Variants in ADAMTSL1 observed in about 807,000 individuals in gnomAD.
The protein encoded by ADAMTSL1 is ADAMTS like 1, also known as ADAMTS-like protein 1.
ADAMTSL1 carries 126 observed loss-of-function variants against 201.8 expected under a neutral mutation model. The observed-to-expected ratio is 0.62, with a 90% CI of 0.54 to 0.72. The LOEUF (loss-of-function observed/expected upper bound fraction) is 0.72, where lower values mean the gene tolerates loss of function less well. ADAMTSL1 is among the 30% of genes least tolerant of loss of function. The pLI is 0.00. For synonymous variants in ADAMTSL1, 1,121 were observed against 903.4 expected, an observed-to-expected ratio of 1.24 and a Z score of -4.32; for missense variants, 2,679 against 2,277.8, an observed-to-expected ratio of 1.18 and a Z score of -3.59.
chr9:18,647,204 G>C (rs1365146098), intron 7 of ADAMTSL1, among the ~76,000 whole-genome samples: 3 of 152,110 alleles, frequency 2.0e-5, no homozygotes, highest in African/African-American at 4.8e-5. Context: ...TCTGATGGTA[G>C]TTTGTATTTC....
In ADAMTSL1 at chr9:18,459,545, C is replaced by A. The variant is rs549572289; in HGVS notation, c.208-45284C>A. On this transcript the variant is annotated intron_variant, in intron 2 of 29. Transcript: ENST00000680146. ...CAGAAGTGAACAGGAGTCACCAAATCTCTGCACCCAGGGAACTTGCCTGCA... is the reference window on the plus strand; with the variant it reads ...CAGAAGTGAACAGGAGTCACCAAATATCTGCACCCAGGGAACTTGCCTGCA... Among the ~76,000 whole-genome samples the A allele has an allele frequency of 1.2e-4, 19 of 152,252 alleles. No individual in the cohort carries two copies. In the South Asian group the frequency reaches 3.9e-3, roughly 32 times the overall value.
intron 1 of ADAMTSL1, among the ~76,000 whole-genome samples, chr9:18,154,761 A>G (rs774570323): frequency 2.0e-5 from 3 of 152,228 alleles, no homozygotes; most frequent in Middle Eastern, 3.4e-3. Context: ...TGTGAAGTAC[A>G]TCAAGAATGA....
chr9:18,714,039 C>A (rs902767262), intron 14 of ADAMTSL1, among the ~76,000 whole-genome samples: 14 of 151,860 alleles, frequency 9.2e-5, no homozygotes, highest in Non-Finnish European at 7.4e-5. Flanking sequence ...TAAAGATGTT[C>A]TTTGAAACCA....
intron 26 of ADAMTSL1, among the ~76,000 whole-genome samples, chr9:18,894,512 C>A (rs1028823191): frequency 2.0e-5 from 3 of 151,768 alleles, no homozygotes; most frequent in African/African-American, 7.3e-5. Context: ...TCTTTATAAG[C>A]GTGATTCGCA....
At chr9:18,786,388 CAG>C (rs555490316) in intron 19 of ADAMTSL1, among the ~76,000 whole-genome samples, 1 of 152,202 alleles carries the variant, frequency 6.6e-6, no homozygotes, top group Non-Finnish European at 1.5e-5. Context: ...AGGCTGGAAT[CAG>C]AGCAACTTTG....
At chr9:17,953,340 A>C (rs1827804202) in intron 1 of ADAMTSL1, among the ~76,000 whole-genome samples, 1 of 152,176 alleles carries the variant, frequency 6.6e-6, no homozygotes, top group South Asian at 2.1e-4. Context: ...GAACGTTGGG[A>C]GATTTCACTG....
At chr9:18,774,326 A>C (rs1426291314) in intron 17 of ADAMTSL1, among the ~76,000 whole-genome samples, 2 of 152,078 alleles carry the variant, frequency 1.3e-5, no homozygotes, top group Non-Finnish European at 2.9e-5. Flanking sequence ...AAGGTCTCCA[A>C]ACTAACCCTC....
chr9:18,572,950 G>T (rs1040128682), intron 3 of ADAMTSL1, among the ~76,000 whole-genome samples: 3 of 152,112 alleles, frequency 2.0e-5, no homozygotes, highest in Non-Finnish European at 4.4e-5. Context: ...TGTAGAATAA[G>T]ATAAACCTAT....
intron 26 of ADAMTSL1, among the ~76,000 whole-genome samples, chr9:18,903,333 A>G (rs1337927330): frequency 6.6e-6 from 1 of 152,262 alleles, no homozygotes; most frequent in African/African-American, 2.4e-5. Context: ...CACAATACAT[A>G]GTAAGAAAAC....
rs115405632 is a variant in ADAMTSL1, at chr9:18,499,273, G to A, written c.64-5556G>A. Among the ~76,000 whole-genome samples, 1,023 of 152,312 alleles carry A rather than the reference G, an allele frequency of 6.7e-3. 10 individuals are homozygous for A. The highest frequency in any genetic ancestry group is 0.023 in the African/African-American group (965 of 41,556). ...GCATGCCTCAGTATCCACACACTAC[G>A]CTCTTTAAGAAAGTACATCAAAAAG... On this transcript the variant is annotated intron_variant, in intron 1 of 28. Coordinates refer to ENST00000380548, the MANE Select transcript of ADAMTSL1 (RefSeq NM_001040272.6).
intron 1 of ADAMTSL1, among the ~76,000 whole-genome samples, chr9:18,041,941 C>A (rs1821443267): frequency 6.6e-6 from 1 of 151,860 alleles, no homozygotes; most frequent in Admixed American, 6.6e-5. Flanking sequence ...CCTGAGTGTC[C>A]TGAAATCATA....
At chr9:18,434,136 T>C (rs1819618403) in intron 2 of ADAMTSL1, among the ~76,000 whole-genome samples, 2 of 152,212 alleles carry the variant, frequency 1.3e-5, no homozygotes, top group Non-Finnish European at 2.9e-5. Flanking sequence ...CATGTGTATA[T>C]TTAGCCCTAC....
At chr9:18,253,849 C>CT (rs144621167) in intron 2 of ADAMTSL1, among the ~76,000 whole-genome samples, 1,814 of 152,276 alleles carry the variant, frequency 0.012, 21 homozygotes, top group Non-Finnish European at 0.018. Flanking sequence ...AGCTGTAGTT[C>CT]TTAGGTAGTG....
At chr9:18,410,233 T>C (rs1280711691) in intron 2 of ADAMTSL1, among the ~76,000 whole-genome samples, 3 of 151,940 alleles carry the variant, frequency 2.0e-5, no homozygotes, top group African/African-American at 7.3e-5. Flanking sequence ...AGCTCAAGGG[T>C]ACATTTGCAG....
chr9:18,123,476 T>C (rs1428922197), intron 1 of ADAMTSL1, among the ~76,000 whole-genome samples: 1 of 152,212 alleles, frequency 6.6e-6, no homozygotes, highest in Non-Finnish European at 1.5e-5. Flanking sequence ...CTTTTAAAAA[T>C]TGGAAGTAGT....
At chr9:18,635,850 T>C (rs1427191692) in intron 5 of ADAMTSL1, 93 bp from the exon 6 acceptor site, 1 of 1,028,908 alleles carries the variant, frequency 9.7e-7, no homozygotes, top group African/African-American at 1.7e-5. Context: ...CTGTAGTTTT[T>C]AAGGTATGGA....
chr9:18,070,758 A>G (rs1434969612), intron 1 of ADAMTSL1, among the ~76,000 whole-genome samples: 1 of 152,300 alleles, frequency 6.6e-6, no homozygotes, highest in East Asian at 1.9e-4. Flanking sequence ...GCGGGGCTAG[A>G]TAGACAGAAG....
intron 26 of ADAMTSL1, among the ~76,000 whole-genome samples, chr9:18,898,758 T>A (rs1829818917): frequency 6.6e-6 from 1 of 152,136 alleles, no homozygotes; most frequent in Admixed American, 6.5e-5. Flanking sequence ...AACATCACCT[T>A]CATCTTAAAA....
In ADAMTSL1 at chr9:18,740,768, C is replaced by T. The variant is rs76187845; in HGVS notation, c.2007-12530C>T. Among the ~76,000 whole-genome samples, 281 of 152,254 alleles carry T rather than the reference C, an allele frequency of 1.8e-3. 1 individual carries two copies. The highest frequency in any genetic ancestry group is 6.3e-3 in the African/African-American group (263 of 41,558). ...CTAGTATTACAGGTGTGAGTCACCACGCTCGGCCTCAATGTTCTTTCTAGT... is the reference window on the plus strand; with the variant it reads ...CTAGTATTACAGGTGTGAGTCACCATGCTCGGCCTCAATGTTCTTTCTAGT... On this transcript the variant is annotated intron_variant, in intron 15 of 28. Transcript: ENST00000380548.
Sources: gnomAD v4.1 joint callset for allele counts (sites outside exome capture counted in the v4.1 genomes callset) on GRCh38, gnomAD v4.1.1 for gene constraint, MANE v1.5 for transcripts, NCBI Gene and HGNC (gene_info 2026-07-23, HGNC 2026-07-21) for gene names.